Variants in PKD1L1 observed in about 807,000 individuals in gnomAD.
PKD1L1 encodes polycystin 1 like 1, transient receptor potential channel interacting, also known as polycystin-1-like protein 1.
A neutral mutation model predicts 323.4 loss-of-function variants in PKD1L1; 236 were observed. That is an observed-to-expected ratio of 0.73 (90% confidence interval 0.66 to 0.81). The LOEUF (loss-of-function observed/expected upper bound fraction) is 0.81, where lower values mean the gene tolerates loss of function less well. Among genes scored for constraint, PKD1L1 ranks in the 40% least tolerant of loss-of-function variants. The pLI, the probability that PKD1L1 is intolerant of heterozygous loss-of-function variation, is 0.00. For missense variants in PKD1L1, 3,320 were observed against 3,508.0 expected (o/e 0.95, Z 1.35); for synonymous variants, 1,344 against 1,335.0 (o/e 1.01, Z -0.15).
intron 50 of PKD1L1, among the ~76,000 whole-genome samples, chr7:47,811,261 C>G (rs535151339): frequency 1.3e-5 from 2 of 151,326 alleles, no homozygotes; most frequent in South Asian, 4.2e-4. Context: ...TCAAGAAATT[C>G]TCCCGCCTTC....
chr7:47,911,413 T>C (rs576077520), intron 8 of PKD1L1, among the ~76,000 whole-genome samples: 74 of 152,362 alleles, frequency 4.9e-4, no homozygotes, highest in Non-Finnish European at 8.2e-4. Context: ...TAGTTTGAAG[T>C]ATTTCTTTAT....
intron 44 of PKD1L1, 42 bp from the exon 45 acceptor site, chr7:47,827,510 G>T (rs1785262988): frequency 1.3e-6 from 2 of 1,541,852 alleles, no homozygotes. Context: ...GCTGGTGGGT[G>T]GAAGGAGAGA....
intron 30 of PKD1L1, 137 bp from the exon 31 acceptor site, chr7:47,853,364 A>C (rs1583621213): frequency 1.5e-6 from 1 of 649,334 alleles, no homozygotes; most frequent in East Asian, 2.7e-5. Context: ...GGGACTAAAA[A>C]GGGTCAATGT....
intron 20 of PKD1L1, among the ~76,000 whole-genome samples, 170 bp from the exon 21 acceptor site, chr7:47,880,975 TA>T (rs1191899033): frequency 6.6e-6 from 1 of 151,732 alleles, no homozygotes; most frequent in Non-Finnish European, 1.5e-5. Context: ...CTGCCTTCTA[TA>T]AACAGCCTGT....
chr7:47,788,949 T>C (rs960118372), intron 56 of PKD1L1, among the ~76,000 whole-genome samples: 1 of 152,198 alleles, frequency 6.6e-6, no homozygotes, highest in Admixed American at 6.5e-5. Flanking sequence ...AATACTCATA[T>C]GATCATGGGA....
At chr7:47,809,317 C>T (rs913737911) in intron 51 of PKD1L1, 156 bp downstream of exon 51, 2 of 594,708 alleles carry the variant, frequency 3.4e-6, no homozygotes, top group Non-Finnish European at 5.8e-6. Context: ...GATACCTGAT[C>T]TCAAATGCTG....
intron 13 of PKD1L1, 127 bp from the exon 14 acceptor site, chr7:47,898,321 T>C: frequency 1.3e-6 from 1 of 746,780 alleles, no homozygotes; most frequent in Non-Finnish European, 2.2e-6. Flanking sequence ...CAGAATGGTA[T>C]TCTTAGGTCT....
intron 21 of PKD1L1, among the ~76,000 whole-genome samples, chr7:47,879,794 G>A (rs1562970098): frequency 1.3e-5 from 2 of 149,206 alleles, no homozygotes; most frequent in South Asian, 2.1e-4. Flanking sequence ...TTAGCTGGGC[G>A]TGGTGGCAGG....
chr7:47,792,490 T>C (rs980738965), intron 56 of PKD1L1, 137 bp downstream of exon 56: 1 of 850,578 alleles, frequency 1.2e-6, no homozygotes, highest in Non-Finnish European at 1.8e-6. Context: ...CCAGAGCATA[T>C]CTTATCAGCA....
Position 47,898,003 on chromosome 7 carries a change from G to A in PKD1L1, c.2256C>T (p.Tyr752=). The change falls in exon 14 of 57, where the codon TAC becomes TAT. Residue 752 remains tyrosine (Y), a synonymous_variant. Coordinates refer to ENST00000289672, the MANE Select transcript of PKD1L1 (RefSeq NM_138295.5). ...LPSHTLEYGN[Y]TALAKVQIEG... is the part of the protein sequence containing the mutation. ...GCCAGCTGACCTTGGCAAGGGCAGT[G>A]TAGTTCCCATACTCCAAGGTGTGGC... The A allele has an allele frequency of 1.2e-6, 2 of 1,611,922 alleles. No homozygotes were observed. Among genetic ancestry groups the A allele is most frequent in the Non-Finnish European group, 1.7e-6 (2 of 1,179,636 alleles).
intron 14 of PKD1L1, among the ~76,000 whole-genome samples, chr7:47,894,405 T>G (rs1257726103): frequency 6.6e-6 from 1 of 152,234 alleles, no homozygotes. Flanking sequence ...CTGGCTTTTG[T>G]GCAACTTCCT....
At position 47,813,229 on chromosome 7, in the gene PKD1L1, C is replaced by T; in HGVS notation, c.7238G>A (p.Gly2413Asp). 1 of 1,614,180 alleles carries T rather than the reference C, an allele frequency of 6.2e-7. No individual in the cohort carries two copies. Among genetic ancestry groups the T allele is most frequent in the Non-Finnish European group, 8.5e-7 (1 of 1,180,032 alleles). Residue 2413 changes from glycine to aspartate, a missense_variant, in exon 49 of 57, where the codon GGC becomes GAC. By Grantham distance (94) the Gly-to-Asp change is moderately conservative (BLOSUM62 -1). Coordinates refer to ENST00000289672, the MANE Select transcript of PKD1L1 (RefSeq NM_138295.5). ...SIPTCSPEVGGPENPYLIDPE... is the reference protein window; with the variant it reads ...SIPTCSPEVGDPENPYLIDPE... ...GTCTATCAGGTAGGGGTTCTCAGGG[C>T]CTCCAACTTCGGGACTACATGTAGG...
chr7:47,959,755 A>G, the PKD1L1 span, among the ~76,000 whole-genome samples: 9 of 143,082 alleles, frequency 6.3e-5, no homozygotes, highest in South Asian at 2.2e-4. Context: ...TGGAGGGGTC[A>G]GCCCCCCGCC....
chr7:47,870,984 G>A (rs112970035), intron 24 of PKD1L1, among the ~76,000 whole-genome samples: 5,790 of 84,824 alleles, frequency 0.068, 210 homozygotes, highest in African/African-American at 0.099. Flanking sequence ...AAAAAAAAAA[G>A]AAAAAAAAAA....
In PKD1L1 at chr7:47,825,684, C is replaced by T. The variant is rs142192265; in HGVS notation, c.6854+1666G>A. 1.6e-3 allele frequency among the ~76,000 whole-genome samples: 244 copies of T among 151,468 alleles called. 3 individuals are homozygous for T. The highest frequency in any genetic ancestry group is 5.8e-3 in the African/African-American group (239 of 41,254). On this transcript the variant is annotated intron_variant, in intron 45 of 56. Transcript: ENST00000289672. The stretch of plus-strand genomic sequence containing the variant: ...TGTAATCCAATTTACTTTTATTTTC[C>T]CTTTTTGTGTCTGGATTTTAAGTCA...
At chr7:47,949,724 G>C (rs996815064), upstream of PKD1L1, among the ~76,000 whole-genome samples, 6 of 152,196 alleles carry the variant, frequency 3.9e-5, no homozygotes, top group Non-Finnish European at 8.8e-5. Context: ...ACTCTGAAGA[G>C]AGTGATACCA....
intron 14 of PKD1L1, among the ~76,000 whole-genome samples, chr7:47,897,633 ACTGTCGTCTC>A (rs1786985330): frequency 6.6e-6 from 1 of 152,096 alleles, no homozygotes; most frequent in South Asian, 2.1e-4. Flanking sequence ...CTGCCCTCTG[ACTGTCGTCTC>A]CTTTCCTTTC....
At chr7:47,865,588 T>TTTA (rs1337636144) in intron 25 of PKD1L1, among the ~76,000 whole-genome samples, 2 of 150,478 alleles carry the variant, frequency 1.3e-5, no homozygotes, top group African/African-American at 2.5e-5. Flanking sequence ...TTTATTTTAT[T>TTTA]TTATTTTATT....
At chr7:47,854,633 T>C (rs1785856396) in intron 30 of PKD1L1, among the ~76,000 whole-genome samples, 1 of 152,240 alleles carries the variant, frequency 6.6e-6, no homozygotes, top group Non-Finnish European at 1.5e-5. Flanking sequence ...TAAATGAGAC[T>C]GTATGCATTA....
Sources: allele counts gnomAD v4.1 joint callset (sites outside exome capture counted in the v4.1 genomes callset), GRCh38; gene constraint gnomAD v4.1.1; transcripts MANE v1.5; gene names NCBI Gene and HGNC (gene_info 2026-07-23, HGNC 2026-07-21).